Variants in TTLL9 observed in about 807,000 individuals in gnomAD.
TTLL9 encodes the protein probable tubulin polyglutamylase TTLL9.
TTLL9 carries 47 observed loss-of-function variants against 65.6 expected under a neutral mutation model. The ratio of observed to expected loss-of-function variants is 0.72; its 90% CI spans 0.57 to 0.91. The LOEUF (loss-of-function observed/expected upper bound fraction) is 0.91. Ranked by LOEUF, TTLL9 falls within the 40% of genes least tolerant of loss-of-function variation. The probability of loss-of-function intolerance (pLI) is 0.00; values close to 1 mark genes in which losing one functional copy is unlikely to be tolerated. For synonymous variants in TTLL9, 179 were observed against 204.8 expected, an observed-to-expected ratio of 0.87 and a Z score of 1.07; for missense variants, 537 against 568.8, an observed-to-expected ratio of 0.94 and a Z score of 0.57.
At chr20:31,872,055 T>C (rs2062942518) in intron 2 of TTLL9, among the ~76,000 whole-genome samples, 1 of 152,194 alleles carries the variant, frequency 6.6e-6, no homozygotes, top group Non-Finnish European at 1.5e-5. Context: ...ACATTCCAAA[T>C]GCTTACTAGC....
chr20:31,924,480 C>T (rs890542597), intron 8 of TTLL9, among the ~76,000 whole-genome samples: 4 of 152,152 alleles, frequency 2.6e-5, no homozygotes, highest in Non-Finnish European at 4.4e-5. Flanking sequence ...GTCACCACTC[C>T]CCATGGGGGT....
intron 4 of TTLL9, among the ~76,000 whole-genome samples, chr20:31,901,671 G>A (rs553174987): frequency 1.3e-5 from 2 of 152,226 alleles, no homozygotes; most frequent in African/African-American, 4.8e-5. Flanking sequence ...CCCAACCTCA[G>A]GGCCCCAGTC....
intron 2 of TTLL9, among the ~76,000 whole-genome samples, chr20:31,885,333 A>G (rs999953926): frequency 6.6e-6 from 1 of 152,260 alleles, no homozygotes; most frequent in African/African-American, 2.4e-5. Context: ...ATAGTGACAT[A>G]AGGATAGACA....
At chr20:31,890,214 C>T (rs2063288427) in intron 3 of TTLL9, among the ~76,000 whole-genome samples, 1 of 78,482 alleles carries the variant, frequency 1.3e-5, no homozygotes, top group Admixed American at 1.6e-4. Flanking sequence ...TTTCTTTCAT[C>T]AAAAGAGCAA....
chr20:31,920,070 C>A lies in TTLL9; in HGVS notation c.573+138C>A. Reference sequence around the variant, plus strand: ...ACAGGTCTGCCCATTGGAGCAGGGTCTCCAGAGCCAGATTGTCCAGGTTCA... The same window carrying A: ...ACAGGTCTGCCCATTGGAGCAGGGTATCCAGAGCCAGATTGTCCAGGTTCA... On this transcript the variant is annotated intron_variant, in intron 7 of 14. Transcript: ENST00000535842. 3 of 666,544 alleles carry A rather than the reference C, an allele frequency of 4.5e-6. No individual in the cohort carries two copies. In the South Asian group the frequency reaches 1.0e-4, roughly 23 times the overall value. The allele number at this position is 666,544 out of a possible 1,614,324, so 41.3% of individuals were successfully genotyped here. A position where few individuals can be genotyped will look rare whatever the true frequency, so the allele number is the denominator to read the frequency against.
chr20:31,914,595 G>C (rs2063705914), intron 6 of TTLL9, among the ~76,000 whole-genome samples: 1 of 152,210 alleles, frequency 6.6e-6, no homozygotes, highest in African/African-American at 2.4e-5. Flanking sequence ...AGTTTGGCTG[G>C]TGAGAAAAAA....
At chr20:31,898,366 AC>A (rs2063416744) in intron 3 of TTLL9, 106 bp from the exon 4 acceptor site, 1 of 858,972 alleles carries the variant, frequency 1.2e-6, no homozygotes, top group Admixed American at 2.1e-5. Context: ...ACAGTGTGGA[AC>A]TTTCCAGGTA....
intron 11 of TTLL9, 49 bp downstream of exon 11, chr20:31,933,907 G>T: frequency 6.4e-7 from 1 of 1,561,626 alleles, no homozygotes; most frequent in Non-Finnish European, 8.7e-7. Flanking sequence ...TCTGGCGCCA[G>T]GTCGGGGTGG....
chr20:31,890,047 T>C lies in TTLL9; in HGVS notation c.113+2808T>C, dbSNP rs868365511. On this transcript the variant is annotated intron_variant, in intron 3 of 14. Coordinates refer to ENST00000535842, the MANE Select transcript of TTLL9 (RefSeq NM_001008409.5). ...CTTTCTTTCTTTCCTTCCTTCCTTCTTTCTTTCTTTCTCTTTCTTTCTTGC... is the reference window on the plus strand; with the variant it reads ...CTTTCTTTCTTTCCTTCCTTCCTTCCTTCTTTCTTTCTCTTTCTTTCTTGC... Among the ~76,000 whole-genome samples, 441 of 121,630 alleles carry C rather than the reference T, an allele frequency of 3.6e-3. 5 individuals carry two copies. The highest frequency in any genetic ancestry group is 0.011 in the African/African-American group (345 of 31,956). The allele number at this position is 121,630 out of a possible 152,430, so 79.8% of individuals were successfully genotyped here.
intron 4 of TTLL9, among the ~76,000 whole-genome samples, chr20:31,902,780 A>G (rs1308798051): frequency 6.6e-6 from 1 of 152,184 alleles, no homozygotes; most frequent in East Asian, 1.9e-4. Flanking sequence ...TGAAGTGACT[A>G]TGCCATTTTA....
chr20:31,898,165 A>G (rs2063413165), intron 3 of TTLL9, among the ~76,000 whole-genome samples: 1 of 152,198 alleles, frequency 6.6e-6, no homozygotes, highest in South Asian at 2.1e-4. Context: ...GATGATTGCC[A>G]GGAGAGGGCT....
intron 2 of TTLL9, among the ~76,000 whole-genome samples, chr20:31,871,861 AAGTAGAAAC>A (rs2062938197): frequency 6.6e-6 from 1 of 152,250 alleles, no homozygotes; most frequent in African/African-American, 2.4e-5. Context: ...CACATTTAAA[AAGTAGAAAC>A]AAGTTAATTG....
chr20:31,933,507 G>A (rs894526794), intron 10 of TTLL9, among the ~76,000 whole-genome samples: 1 of 152,166 alleles, frequency 6.6e-6, no homozygotes, highest in African/African-American at 2.4e-5. Flanking sequence ...ACTGGAAGAG[G>A]CACAGTATTT....
Position 31,871,275 on chromosome 20 carries a change from A to G in TTLL9, c.69+80A>G, listed in dbSNP as rs563451967. The G allele has an allele frequency of 6.7e-6, 10 of 1,500,804 alleles. No individual in the cohort carries two copies. The South Asian group carries it at 1.0e-4, about 15-fold the overall frequency. The allele number at this position is 1,500,804 out of a possible 1,614,324, so 93.0% of individuals were successfully genotyped here. A position where few individuals can be genotyped will look rare whatever the true frequency, so the allele number is the denominator to read the frequency against. Reference sequence around the variant, plus strand: ...CAGGATGTATTAATAGCTAGAGGTCAGGGTCCTGGAAGGGGTCTGGAGACC... The same window carrying G: ...CAGGATGTATTAATAGCTAGAGGTCGGGGTCCTGGAAGGGGTCTGGAGACC... On this transcript the variant is annotated intron_variant, in intron 2 of 14. Transcript: ENST00000535842.
At position 31,883,718 on chromosome 20, in the gene TTLL9, T is replaced by A. The variant is rs1002707639; in HGVS notation, c.70-3478T>A. On this transcript the variant is annotated intron_variant, in intron 2 of 14. Coordinates refer to ENST00000535842, the MANE Select transcript of TTLL9 (RefSeq NM_001008409.5). ...TGCATAATTACATAAGAAAAGATGTTTTAAATAAGTTAAAAAAAAAAGCCT... is the reference window on the plus strand; with the variant it reads ...TGCATAATTACATAAGAAAAGATGTATTAAATAAGTTAAAAAAAAAAGCCT... Among the ~76,000 whole-genome samples the A allele has an allele frequency of 5.3e-5, 8 of 152,126 alleles. No homozygotes were observed. The East Asian group carries it at 1.3e-3, about 26-fold the overall frequency.
chr20:31,873,874 AAGAAAGAAAG>A (rs1287224266), intron 2 of TTLL9, among the ~76,000 whole-genome samples: 7 of 137,722 alleles, frequency 5.1e-5, no homozygotes, highest in Admixed American at 2.2e-4. Context: ...GAAAGAAAGA[AAGAAAGAAAG>A]AGAAAGAAAA....
At chr20:31,894,155 G>C (rs982068179) in intron 3 of TTLL9, among the ~76,000 whole-genome samples, 10 of 139,484 alleles carry the variant, frequency 7.2e-5, no homozygotes, top group African/African-American at 2.4e-4. Flanking sequence ...ACAGGCTGGA[G>C]TGCAGTGGTG....
intron 6 of TTLL9, among the ~76,000 whole-genome samples, chr20:31,917,635 G>T (rs913902133): frequency 6.6e-6 from 1 of 152,110 alleles, no homozygotes; most frequent in Admixed American, 6.5e-5. Flanking sequence ...CACCAGCAGT[G>T]TGTGCAAGTT....
intron 2 of TTLL9, among the ~76,000 whole-genome samples, chr20:31,873,760 GAAAGA>G (rs1457719599): frequency 1.4e-5 from 2 of 139,618 alleles, no homozygotes; most frequent in African/African-American, 2.8e-5. Flanking sequence ...AAGAAAGAAA[GAAAGA>G]AAGAGAAAGA....
Sources: gnomAD v4.1 joint callset for allele counts (sites outside exome capture counted in the v4.1 genomes callset) on GRCh38, gnomAD v4.1.1 for gene constraint, MANE v1.5 for transcripts, NCBI Gene and HGNC (gene_info 2026-07-23, HGNC 2026-07-21) for gene names.